TNK2: variants seen among roughly 807,000 people sequenced by gnomAD.
TNK2 encodes the protein tyrosine kinase non receptor 2.
TNK2 carries 83 observed loss-of-function variants against 101.8 expected under a neutral mutation model. The observed-to-expected ratio is 0.82, with a 90% CI of 0.68 to 0.98. The LOEUF (loss-of-function observed/expected upper bound fraction) is 0.98, where lower values mean the gene tolerates loss of function less well. Ranked by LOEUF, TNK2 falls within the 50% of genes least tolerant of loss-of-function variation. The probability of loss-of-function intolerance (pLI) is 0.00; values close to 1 mark genes in which losing one functional copy is unlikely to be tolerated. For missense variants in TNK2, 1,665 were observed against 1,483.2 expected (o/e 1.12, Z -2.01); for synonymous variants, 804 against 633.0 (o/e 1.27, Z -4.06).
At chr3:195,883,571 A>T (rs901177508) in intron 4 of TNK2, 1 of 459,448 alleles carries the variant, frequency 2.2e-6, no homozygotes, top group African/African-American at 2.0e-5. Flanking sequence ...CCAACCAAAA[A>T]GTAAGAGATA....
intron 2 of TNK2, among the ~76,000 whole-genome samples, chr3:195,887,922 GTGCACGTGTGTGCGCA>G (rs1756720965): frequency 6.8e-6 from 1 of 146,884 alleles, no homozygotes; most frequent in Non-Finnish European, 1.5e-5. Flanking sequence ...GCATGCGTGC[GTGCACGTGTGTGCGCA>G]TGTGCGTGTG....
chr3:195,876,780 C>T (rs1341130936), intron 9 of TNK2: 4 of 371,890 alleles, frequency 1.1e-5, no homozygotes, highest in South Asian at 1.9e-5. Flanking sequence ...ACCCACAACC[C>T]TCCCAGGAGC....
In TNK2 at chr3:195,867,732, C is replaced by T. The variant is rs1180333924; in HGVS notation, c.2566G>A (p.Gly856Ser). The change falls in exon 13 of 16, where the codon GGT becomes AGT. Residue 856 changes from glycine to serine, a missense_variant. Gly to Ser is a moderately conservative substitution (Grantham distance 56, BLOSUM62 0). Transcript: ENST00000672887. ...CGGACGATGGGCAGGATGCAGGGAC[C>T]AGCCCGCGGGCCAGGGGCCTGGATC... ...QVIQAPGPRA[G>S]PCILPIVRDG... 2 of 1,603,548 alleles carry T rather than the reference C, an allele frequency of 1.2e-6. No homozygotes were observed. The highest frequency in any genetic ancestry group is 1.7e-6 in the Non-Finnish European group (2 of 1,176,050).
chr3:195,897,018 T>G (rs1183071937), intron 1 of TNK2, among the ~76,000 whole-genome samples: 2 of 151,032 alleles, frequency 1.3e-5, no homozygotes, highest in Non-Finnish European at 3.0e-5. Flanking sequence ...CAGCCCGCCC[T>G]CTCCCACCTC....
chr3:195,878,199 C>T lies in TNK2; in HGVS notation c.1256+54G>A, dbSNP rs564463768. On this transcript the variant is annotated intron_variant, in intron 9 of 15. Coordinates refer to ENST00000672887, the MANE Select transcript of TNK2 (RefSeq NM_001382273.1). The surrounding 1 kb of genome is among the most constrained non-coding windows in gnomAD (Gnocchi z 4.7). ...AAACAGATCTGTCCACAGGTCCCTC[C>T]GACCTGTGCCCTTCAAGCGATCCCA... The T allele has an allele frequency of 4.5e-6, 7 of 1,569,270 alleles. No individual in the cohort carries two copies. Among genetic ancestry groups the T allele is most frequent in the Admixed American group, 3.3e-5 (2 of 59,930 alleles).
chr3:195,876,445 C>T (rs1473472144), intron 9 of TNK2: 6 of 456,696 alleles, frequency 1.3e-5, no homozygotes, highest in African/African-American at 8.0e-5. Context: ...AAGACTCACA[C>T]AGAGCCATCC....
intron 4 of TNK2, chr3:195,884,216 A>T (rs1477418785): frequency 2.6e-5 from 4 of 152,196 alleles, no homozygotes; most frequent in Admixed American, 2.6e-4. Context: ...AAATACCTAA[A>T]GTGGGAGGAA....
chr3:195,892,406 C>T, intron 1 of TNK2: 2 of 1,529,924 alleles, frequency 1.3e-6, no homozygotes, highest in East Asian at 4.9e-5. Context: ...CTGCCCCCCA[C>T]TCACTGTGTA....
intron 1 of TNK2, among the ~76,000 whole-genome samples, chr3:195,897,536 CTG>C (rs893143122): frequency 1.6e-4 from 24 of 152,340 alleles, no homozygotes; most frequent in African/African-American, 5.3e-4. Flanking sequence ...TAGGATCTCA[CTG>C]TGCCCTAGAC....
intron 6 of TNK2, among the ~76,000 whole-genome samples, chr3:195,879,673 C>A (rs937753309): frequency 6.6e-6 from 1 of 152,120 alleles, no homozygotes; most frequent in Admixed American, 6.5e-5. Flanking sequence ...TTCTGGGCAC[C>A]CCCGGTTGAG....
rs544738012 is a variant in TNK2, at chr3:195,892,427, C to T, written c.-18-3821G>A. 1.9e-4 allele frequency: 295 copies of T among 1,535,318 alleles called. No homozygotes were observed. The African/African-American group carries it at 2.2e-3, about 11-fold the overall frequency. ...CCCACTCACTGTGTACAGGCGTCGCCGCAGTCTGGCCAGGAGAGGGAAGGA... is the reference window on the plus strand; with the variant it reads ...CCCACTCACTGTGTACAGGCGTCGCTGCAGTCTGGCCAGGAGAGGGAAGGA... On this transcript the variant is annotated intron_variant, in intron 1 of 15. Coordinates refer to ENST00000672887, the MANE Select transcript of TNK2 (RefSeq NM_001382273.1).
chr3:195,878,621 GACAA>G lies in TNK2; in HGVS notation c.1015-33_1015-30del, dbSNP rs1194838833. 4.4e-6 allele frequency: 7 copies of G among 1,602,130 alleles called. No individual in the cohort carries two copies. The highest frequency in any genetic ancestry group is 6.0e-6 in the Non-Finnish European group (7 of 1,173,052). ...AAGGTGAGGAGGTGCAGAGTTTGACGACAAACAGAGCGCCCAGCCCTTCACTTCC... is the reference window on the plus strand; with the variant it reads ...AAGGTGAGGAGGTGCAGAGTTTGACGACAGAGCGCCCAGCCCTTCACTTCC... On this transcript the variant is annotated intron_variant, in intron 7 of 15. Transcript: ENST00000672887. This position sits in a 1 kb window ranked among gnomAD's most constrained non-coding sequence, Gnocchi z 4.7.
intron 9 of TNK2, among the ~76,000 whole-genome samples, chr3:195,877,246 T>C (rs1749923658): frequency 6.6e-6 from 1 of 152,250 alleles, no homozygotes; most frequent in Admixed American, 6.5e-5. Flanking sequence ...CCACAGGCCC[T>C]GCAGTCTCAG....
At position 195,867,936 on chromosome 3, in the gene TNK2, C is replaced by T. The variant is rs914745340; in HGVS notation, c.2362G>A (p.Ala788Thr). Residue 788 changes from alanine (A) to threonine (T), a missense_variant, in exon 13 of 16, where the codon GCT becomes ACT. Coordinates refer to ENST00000672887, the MANE Select transcript of TNK2 (RefSeq NM_001382273.1). ...EEETSQWPGP[A>T]SPPRVPPREP... ...CGCGGAGGCACCCGGGGAGGGGAAG[C>T]AGGTCCAGGCCACTGGCTGGTCTCC... The T allele has an allele frequency of 3.3e-6, 5 of 1,534,274 alleles. No homozygotes were observed. Among genetic ancestry groups the T allele is most frequent in the Non-Finnish European group, 4.3e-6 (5 of 1,151,550 alleles).
chr3:195,905,877 A>T (rs1305675193), intron 1 of TNK2, among the ~76,000 whole-genome samples: 7 of 152,228 alleles, frequency 4.6e-5, no homozygotes, highest in Admixed American at 2.6e-4. Flanking sequence ...CATTGTTAAG[A>T]GGATCAAAAT....
chr3:195,877,868 G>A (rs1023784390), intron 9 of TNK2, among the ~76,000 whole-genome samples: 2 of 152,142 alleles, frequency 1.3e-5, no homozygotes, highest in African/African-American at 2.4e-5. Flanking sequence ...CTACTGAAAC[G>A]CACCCAGGTG....
chr3:195,894,430 T>TC (rs948614833), intron 1 of TNK2: 4 of 152,136 alleles, frequency 2.6e-5, no homozygotes, highest in East Asian at 3.9e-4. Context: ...CACCCCCTTT[T>TC]TTTTTTTGAG....
At chr3:195,895,992 C>G (rs910506605) in intron 1 of TNK2, 1 of 349,930 alleles carries the variant, frequency 2.9e-6, no homozygotes, top group African/African-American at 2.3e-5. Flanking sequence ...GCCCCCGCGG[C>G]CGGTTCCCCG....
chr3:195,900,280 G>A (rs926793871), intron 1 of TNK2, among the ~76,000 whole-genome samples: 23 of 151,858 alleles, frequency 1.5e-4, no homozygotes, highest in Non-Finnish European at 3.2e-4. Flanking sequence ...GTGCCAGGGT[G>A]GGAGGGCAGA....
Sources: gnomAD v4.1 joint callset for allele counts (sites outside exome capture counted in the v4.1 genomes callset) on GRCh38, gnomAD v4.1.1 for gene constraint, Gnocchi (gnomAD v3.1) non-coding constraint, MANE v1.5 for transcripts, NCBI Gene and HGNC (gene_info 2026-07-23, HGNC 2026-07-21) for gene names.